Variants in HPSE2 observed in about 807,000 individuals in gnomAD.
HPSE2 encodes the protein inactive heparanase-2.
A neutral mutation model predicts 60.5 loss-of-function variants in HPSE2; 38 were observed. The observed-to-expected ratio is 0.63, with a 90% CI of 0.48 to 0.82. The LOEUF is 0.82. Among genes scored for constraint, HPSE2 ranks in the 40% least tolerant of loss-of-function variants. The pLI is 0.00. For synonymous variants in HPSE2, 295 were observed against 293.2 expected (o/e 1.01, Z -0.06); for missense variants, 713 against 740.4 (o/e 0.96, Z 0.43).
chr10:98,979,396 T>C (rs980253166), intron 3 of HPSE2, among the ~76,000 whole-genome samples: 4 of 152,144 alleles, frequency 2.6e-5, no homozygotes, highest in Admixed American at 1.3e-4. Flanking sequence ...GTTCATGAGA[T>C]GATGACCTAT....
chr10:99,301,961 T>C, the HPSE2 span, among the ~76,000 whole-genome samples: 2 of 151,550 alleles, frequency 1.3e-5, no homozygotes, highest in Admixed American at 6.6e-5. Context: ...AGGAAACAGA[T>C]CCCCAACTCA....
At chr10:98,893,039 T>G (rs771933057) in intron 3 of HPSE2, among the ~76,000 whole-genome samples, 1 of 151,990 alleles carries the variant, frequency 6.6e-6, no homozygotes, top group Non-Finnish European at 1.5e-5. Context: ...ATTTCATTTA[T>G]TTTTCATTTT....
chr10:98,523,051 C>T (rs141954462), intron 9 of HPSE2, among the ~76,000 whole-genome samples: 1 of 152,294 alleles, frequency 6.6e-6, no homozygotes, highest in East Asian at 1.9e-4. Flanking sequence ...TGACCAGGGA[C>T]AACAAGCAGT....
At chr10:99,255,630 A>C in the HPSE2 span, among the ~76,000 whole-genome samples, 1 of 152,106 alleles carries the variant, frequency 6.6e-6, no homozygotes, top group South Asian at 2.1e-4. Flanking sequence ...ATTTGATAAA[A>C]TCCAAAATCC....
chr10:99,273,156 G>T, the HPSE2 span, among the ~76,000 whole-genome samples: 4 of 152,170 alleles, frequency 2.6e-5, no homozygotes, highest in Non-Finnish European at 5.9e-5. Flanking sequence ...TCTAAGTGAA[G>T]TAACTCAGGA....
chr10:98,493,500 T>C (rs1478693878), intron 9 of HPSE2, among the ~76,000 whole-genome samples: 1 of 152,202 alleles, frequency 6.6e-6, no homozygotes, highest in Non-Finnish European at 1.5e-5. Flanking sequence ...AAACATAATG[T>C]TATATATTAT....
chr10:99,130,482 G>A (rs1359246283), intron 3 of HPSE2, among the ~76,000 whole-genome samples: 1 of 152,092 alleles, frequency 6.6e-6, no homozygotes, highest in Non-Finnish European at 1.5e-5. Flanking sequence ...ACATACACAA[G>A]TTGTTGTACC....
intron 3 of HPSE2, among the ~76,000 whole-genome samples, chr10:98,752,563 A>C (rs1044177384): frequency 2.6e-5 from 4 of 152,198 alleles, no homozygotes; most frequent in Admixed American, 1.3e-4. Context: ...GGGATTGCAG[A>C]ACAAAATGTA....
intron 2 of HPSE2, among the ~76,000 whole-genome samples, chr10:99,201,293 A>T (rs141455303): frequency 6.6e-6 from 1 of 152,050 alleles, no homozygotes; most frequent in East Asian, 1.9e-4. Flanking sequence ...TTTCTTTTCC[A>T]CTGCTGCTTG....
intron 3 of HPSE2, among the ~76,000 whole-genome samples, chr10:99,012,938 G>T (rs1324807438): frequency 6.6e-6 from 1 of 152,186 alleles, no homozygotes; most frequent in East Asian, 1.9e-4. Context: ...TGGAAGGTGA[G>T]ACTTCATCTT....
intron 4 of HPSE2, among the ~76,000 whole-genome samples, chr10:98,727,667 AAAC>A (rs199808350): frequency 0.041 from 6,045 of 148,852 alleles, 161 homozygotes; most frequent in Non-Finnish European, 0.065. Flanking sequence ...AAAAAACAAA[AAAC>A]AACAACAACA....
chr10:99,128,167 A>G (rs1003928138), intron 3 of HPSE2, among the ~76,000 whole-genome samples: 4 of 152,194 alleles, frequency 2.6e-5, no homozygotes, highest in African/African-American at 9.6e-5. Flanking sequence ...TTGAATGTAA[A>G]TGGCCTAAAT....
the HPSE2 span, among the ~76,000 whole-genome samples, chr10:99,308,397 G>GGAAACC: frequency 7.6e-5 from 3 of 39,672 alleles, no homozygotes; most frequent in East Asian, 1.7e-3. Flanking sequence ...AAAAAAAAAA[G>GGAAACC]GAAACCATCA....
chr10:98,804,147 G>A (rs1007674853), intron 3 of HPSE2, among the ~76,000 whole-genome samples: 3 of 152,104 alleles, frequency 2.0e-5, no homozygotes, highest in Non-Finnish European at 4.4e-5. Context: ...GTATAAGAAT[G>A]CTTGTGATTT....
chr10:98,560,743 C>G (rs10883131), intron 9 of HPSE2, among the ~76,000 whole-genome samples: 68,546 of 152,056 alleles, frequency 0.45, 18,606 homozygotes, highest in South Asian at 0.59. Flanking sequence ...GGTGGACCCA[C>G]AAGACTATAA....
At chr10:98,693,987 T>C in intron 5 of HPSE2, 40 bp from the exon 6 acceptor site, 1 of 1,393,912 alleles carries the variant, frequency 7.2e-7, no homozygotes, top group Non-Finnish European at 1.0e-6. Context: ...ACAACTTAGA[T>C]TAAACCACAT....
intron 11 of HPSE2, among the ~76,000 whole-genome samples, chr10:98,468,568 C>T (rs1253412538): frequency 6.6e-6 from 1 of 152,068 alleles, no homozygotes. Context: ...CTGCATCTCC[C>T]TTTTAGCGTC....
chr10:98,763,790 A>C (rs1446572824), intron 3 of HPSE2, among the ~76,000 whole-genome samples: 1 of 152,026 alleles, frequency 6.6e-6, no homozygotes, highest in Non-Finnish European at 1.5e-5. Context: ...TGAAAAAAAA[A>C]AAACTAGTAG....
intron 6 of HPSE2, among the ~76,000 whole-genome samples, chr10:98,687,195 A>G (rs1947940327): frequency 6.6e-6 from 1 of 152,236 alleles, no homozygotes; most frequent in Non-Finnish European, 1.5e-5. Context: ...CAGGTTAGAA[A>G]TCAATATGGG....
Sources: gnomAD v4.1 joint callset for allele counts (sites outside exome capture counted in the v4.1 genomes callset) on GRCh38, gnomAD v4.1.1 for gene constraint, MANE v1.5 for transcripts, NCBI Gene and HGNC (gene_info 2026-07-23, HGNC 2026-07-21) for gene names.